Variants in PWP1 observed in about 807,000 individuals in gnomAD.
The protein encoded by PWP1 is PWP1 homolog, endonuclein.
Under a neutral mutation model 69.9 loss-of-function variants are expected in PWP1, and 47 were observed. The ratio of observed to expected loss-of-function variants is 0.67; its 90% CI spans 0.53 to 0.86. The LOEUF (loss-of-function observed/expected upper bound fraction) is 0.86, where lower values mean the gene tolerates loss of function less well. PWP1 is among the 40% of genes least tolerant of loss of function. PWP1 has a pLI of 0.00. For synonymous variants in PWP1, 222 were observed against 208.2 expected (o/e 1.07, Z -0.57); for missense variants, 551 against 608.8 (o/e 0.91, Z 1.00).
chr12:107,704,262 T>C (rs7980305), intron 10 of PWP1, among the ~76,000 whole-genome samples: 54,796 of 152,148 alleles, frequency 0.36, 10,234 homozygotes, highest in Middle Eastern at 0.44. Flanking sequence ...TCCCCTAACA[T>C]GATAAACTGC....
rs1889657895 is a variant in PWP1, at chr12:107,699,355, T to C, written c.745-18T>C. 1 of 1,597,234 alleles carries C rather than the reference T, an allele frequency of 6.3e-7. No individual in the cohort carries two copies. The highest frequency in any genetic ancestry group is 8.6e-7 in the Non-Finnish European group (1 of 1,168,682). On this transcript the variant is annotated intron_variant, in intron 7 of 14. Transcript: ENST00000412830. Reference sequence around the variant, plus strand: ...AGGGGGACTTTAATACAAAAAATAATTAAAACAATTATTACAGAGTTCCTC... The same window carrying C: ...AGGGGGACTTTAATACAAAAAATAACTAAAACAATTATTACAGAGTTCCTC...
chr12:107,699,664 C>T (rs1477170390), intron 8 of PWP1, among the ~76,000 whole-genome samples: 1 of 152,136 alleles, frequency 6.6e-6, no homozygotes, highest in East Asian at 1.9e-4. Flanking sequence ...GACCAAGTGC[C>T]CTCTCTCCAC....
chr12:107,697,362 A>C (rs1889608677), intron 6 of PWP1, 105 bp from the exon 7 acceptor site: 6 of 1,158,042 alleles, frequency 5.2e-6, no homozygotes, highest in Admixed American at 2.8e-5. Flanking sequence ...TTTGAGAAGC[A>C]CTGCTCTAAA....
At chr12:107,692,451 A>G (rs939052441) in intron 3 of PWP1, among the ~76,000 whole-genome samples, 1 of 152,166 alleles carries the variant, frequency 6.6e-6, no homozygotes, top group African/African-American at 2.4e-5. Context: ...TTTCAGGGTC[A>G]TTTTATTTCC....
intron 11 of PWP1, 80 bp from the exon 12 acceptor site, chr12:107,708,846 T>A: frequency 7.8e-7 from 1 of 1,275,798 alleles, no homozygotes; most frequent in South Asian, 1.3e-5. Context: ...TATAGCTGAT[T>A]TTCACTATGA....
chr12:107,688,113 G>GAGGGAGA (rs1889408601), intron 1 of PWP1, among the ~76,000 whole-genome samples: 1 of 149,796 alleles, frequency 6.7e-6, no homozygotes, highest in Non-Finnish European at 1.5e-5. Flanking sequence ...ACAGGGAAGA[G>GAGGGAGA]AGGGAGAGGT....
chr12:107,697,410 T>G (rs1889610510), intron 6 of PWP1, 57 bp from the exon 7 acceptor site: 5 of 1,502,958 alleles, frequency 3.3e-6, no homozygotes, highest in Non-Finnish European at 4.4e-6. Flanking sequence ...TGTATTTGAT[T>G]AGAAGTTCTG....
At chr12:107,688,164 G>A (rs1004374209) in intron 1 of PWP1, among the ~76,000 whole-genome samples, 3 of 151,142 alleles carry the variant, frequency 2.0e-5, no homozygotes, top group Admixed American at 6.6e-5. Flanking sequence ...AAAACCAGAC[G>A]AGTACCACAC....
chr12:107,709,282 T>C lies in PWP1; in HGVS notation c.1290+50T>C, dbSNP rs377168923. On this transcript the variant is annotated intron_variant, in intron 13 of 14. Coordinates refer to ENST00000412830, the MANE Select transcript of PWP1 (RefSeq NM_007062.3). The stretch of plus-strand genomic sequence containing the variant: ...TTTTTATTTATTCTGTTTCTGACCT[T>C]GTCTTTTTCTGGAACTTGTGTTGCG... 193 of 1,576,848 alleles carry C rather than the reference T, an allele frequency of 1.2e-4. 5 individuals are homozygous for C. The highest frequency in any genetic ancestry group is 9.9e-4 in the South Asian group (87 of 87,848).
Position 107,693,094 on chromosome 12 carries a change from A to G in PWP1, c.500A>G (p.His167Arg), listed in dbSNP as rs770690776. Residue 167 changes from histidine (H) to arginine (R), a missense_variant and splice_region_variant, in exon 5 of 15, where the codon CAT becomes CGT. Transcript: ENST00000412830. Reference sequence around the variant, plus strand: ...CAGGACCAGTGCAATTTAGAGGTGCATGGTAAGTGATAAATCCCTTATTAA... The same window carrying G: ...CAGGACCAGTGCAATTTAGAGGTGCGTGGTAAGTGATAAATCCCTTATTAA... ...AEQDQCNLEV[H>R]VYNQEEDSFY... 2 of 1,597,434 alleles carry G rather than the reference A, an allele frequency of 1.3e-6. No individual in the cohort carries two copies. The highest frequency in any genetic ancestry group is 1.8e-5 in the Admixed American group (1 of 55,848).
At chr12:107,706,196 C>T (rs1889820625) in intron 11 of PWP1, among the ~76,000 whole-genome samples, 1 of 152,178 alleles carries the variant, frequency 6.6e-6, no homozygotes, top group South Asian at 2.1e-4. Context: ...TAAATGTCTT[C>T]TTTTGAGAAG....
At chr12:107,693,121 A>G (rs765463701) in intron 5 of PWP1, 25 bp downstream of exon 5, 4 of 1,569,472 alleles carry the variant, frequency 2.5e-6, no homozygotes, top group Non-Finnish European at 3.4e-6. Context: ...CCTTATTAAA[A>G]GATTTTCTAA....
chr12:107,686,244 C>T (rs1889362392), intron 1 of PWP1: 2 of 532,974 alleles, frequency 3.8e-6, no homozygotes, highest in Admixed American at 3.1e-5. Context: ...CTTAGCGGGC[C>T]GGAAAGGGGT....
chr12:107,704,566 A>G (rs915146361), intron 10 of PWP1, 70 bp from the exon 11 acceptor site: 19 of 1,041,964 alleles, frequency 1.8e-5, no homozygotes, highest in Non-Finnish European at 2.5e-5. Context: ...TTTTATTACT[A>G]TTTCATTATA....
intron 2 of PWP1, 42 bp from the exon 3 acceptor site, chr12:107,688,572 AG>A: frequency 6.2e-7 from 1 of 1,610,286 alleles, no homozygotes; most frequent in South Asian, 1.1e-5. Context: ...TGTTATTAGA[AG>A]GTAGCATTTG....
rs139376750 is a variant in PWP1, at chr12:107,702,953, A to G, written c.825A>G (p.Ala275=). ...NKLIRNVLAS[A]SADNTVILWD... ...TTCTCAGAAATGTTTTAGCAAGTGC[A>G]TCAGCTGACAACACTGTAATTCTGT... is the stretch of plus-strand genomic sequence containing the variant. Residue 275 remains alanine, a synonymous_variant, in exon 9 of 15, where the codon GCA becomes GCG. Transcript: ENST00000412830. 1 of 1,609,430 alleles carries G rather than the reference A, an allele frequency of 6.2e-7. No individual in the cohort carries two copies. The highest frequency in any genetic ancestry group is 8.5e-7 in the Non-Finnish European group (1 of 1,175,818).
rs1467859096 is a variant in PWP1 at position 107,696,460 on chromosome 12, C to T, written c.503-14C>T. 2.5e-6 allele frequency: 4 copies of T among 1,608,374 alleles called. No individual in the cohort carries two copies. The highest frequency in any genetic ancestry group is 1.7e-5 in the Admixed American group (1 of 58,340). On this transcript the variant is annotated splice_polypyrimidine_tract_variant and intron_variant, in intron 5 of 14. Transcript: ENST00000412830. The stretch of plus-strand genomic sequence containing the variant: ...ATTCTGATACATTAAAGTCTCTTTT[C>T]CCAATCTTTTCAGTTTATAATCAAG...
chr12:107,700,510 T>C (rs1754628786), intron 8 of PWP1, among the ~76,000 whole-genome samples: 1 of 152,212 alleles, frequency 6.6e-6, no homozygotes, highest in Non-Finnish European at 1.5e-5. Context: ...TGTCAGAGTT[T>C]CTTCCTTTTT....
In PWP1 at chr12:107,685,850, C is replaced by A. The variant is rs1286336255; in HGVS notation, c.-50C>A. ...TGTGGCAGCAGTGCGGTCGTGGTCC[C>A]TCCCTATGCAGCCTGGTTTCTAGCG... On this transcript the variant is annotated 5_prime_UTR_variant, in exon 1 of 15. Coordinates refer to ENST00000412830, the MANE Select transcript of PWP1 (RefSeq NM_007062.3). 1 of 1,601,926 alleles carries A rather than the reference C, an allele frequency of 6.2e-7. No homozygotes were observed. Among genetic ancestry groups the A allele is most frequent in the Non-Finnish European group, 8.5e-7 (1 of 1,169,754 alleles).
Sources: gnomAD v4.1 joint callset for allele counts (sites outside exome capture counted in the v4.1 genomes callset) on GRCh38, gnomAD v4.1.1 for gene constraint, MANE v1.5 for transcripts, NCBI Gene and HGNC (gene_info 2026-07-23, HGNC 2026-07-21) for gene names.